The following ANXA7 variants were observed in gnomAD, a reference collection of about 807,000 sequenced individuals.
ANXA7 encodes the protein annexin VII.
ANXA7 carries 55 observed loss-of-function variants against 64.9 expected under a neutral mutation model. The observed-to-expected ratio is 0.85, with a 90% CI of 0.68 to 1.06. ANXA7 has a LOEUF of 1.06. Ranked by LOEUF, ANXA7 falls within the 50% of genes least tolerant of loss-of-function variation. ANXA7 has a pLI of 0.00. For synonymous variants in ANXA7, 200 were observed against 192.4 expected (o/e 1.04, Z -0.33); for missense variants, 548 against 582.1 (o/e 0.94, Z 0.60).
chr10:73,396,491 G>C (rs1285583384), intron 5 of ANXA7, 28 bp downstream of exon 5: 1 of 1,555,950 alleles, frequency 6.4e-7, no homozygotes, highest in East Asian at 2.2e-5. Context: ...GCTACCTAGA[G>C]TGAGCTTAAA....
intron 2 of ANXA7, among the ~76,000 whole-genome samples, chr10:73,399,953 C>T (rs1352932146): frequency 6.6e-6 from 1 of 152,014 alleles, no homozygotes; most frequent in Non-Finnish European, 1.5e-5. Flanking sequence ...ACAAGCCTGG[C>T]CAACATGGTG....
In ANXA7 at chr10:73,378,968, C is replaced by A; in HGVS notation, c.1221G>T (p.Met407Ile). The A allele has an allele frequency of 6.2e-7, 1 of 1,613,824 alleles. No homozygotes were observed. The highest frequency in any genetic ancestry group is 8.5e-7 in the Non-Finnish European group (1 of 1,179,862). The change falls in exon 12 of 13, where the codon ATG becomes ATT. Residue 407 changes from methionine (M) to isoleucine (I), a missense_variant. Met to Ile is a conservative substitution (Grantham distance 10, BLOSUM62 1). Coordinates refer to ENST00000372921, the MANE Select transcript of ANXA7 (RefSeq NM_001156.5). Reference protein sequence around the residue: ...AFFAERLYYAMKGAGTDDSTL... With the variant: ...AFFAERLYYAIKGAGTDDSTL... ...TGGAGTCATCTGTGCCAGCACCTTT[C>A]ATAGCATAGTAGAGCCTCTCAGCAA...
chr10:73,388,328 C>T lies in ANXA7; in HGVS notation c.522G>A (p.Lys174=), dbSNP rs1291253309. ...TTTCCTTACCAAAACCCTTCATTGC[C>T]TTACGAAGAATTTCTGCATCTCTTA... ...DAIRDAEILR[K]AMKGFGTDEQ... is the part of the protein sequence containing the mutation. Residue 174 remains lysine (K), a synonymous_variant, in exon 6 of 13, where the codon AAG becomes AAA. Coordinates refer to ENST00000372921, the MANE Select transcript of ANXA7 (RefSeq NM_001156.5). 2.5e-6 allele frequency: 4 copies of T among 1,613,616 alleles called. No homozygotes were observed. Among genetic ancestry groups the T allele is most frequent in the Non-Finnish European group, 2.5e-6 (3 of 1,179,686 alleles).
intron 11 of ANXA7, 33 bp downstream of exon 11, chr10:73,379,846 A>C: frequency 6.3e-7 from 1 of 1,595,488 alleles, no homozygotes; most frequent in South Asian, 1.1e-5. Context: ...CTCATTTAAA[A>C]AGAAAATAAA....
At chr10:73,388,153 C>T (rs2132665626) in intron 6 of ANXA7, among the ~76,000 whole-genome samples, 159 bp downstream of exon 6, 1 of 152,208 alleles carries the variant, frequency 6.6e-6, no homozygotes, top group South Asian at 2.1e-4. Flanking sequence ...AGCCTGAGGT[C>T]ATCTCTTAGA....
At chr10:73,379,148 G>A (rs2132650538) in intron 11 of ANXA7, 125 bp from the exon 12 acceptor site, 2 of 638,836 alleles carry the variant, frequency 3.1e-6, no homozygotes, top group South Asian at 4.3e-5. Flanking sequence ...GAAACATGGG[G>A]TGAGTTAAGA....
At chr10:73,396,628 C>G in intron 4 of ANXA7, 45 bp from the exon 5 acceptor site, 2 of 1,315,258 alleles carry the variant, frequency 1.5e-6, no homozygotes, top group Non-Finnish European at 2.1e-6. Context: ...ACAGGTCTTA[C>G]ATGTTTTAAT....
At chr10:73,378,192 T>C (rs976055273) in intron 12 of ANXA7, among the ~76,000 whole-genome samples, 4 of 151,670 alleles carry the variant, frequency 2.6e-5, no homozygotes, top group African/African-American at 9.7e-5. Flanking sequence ...CTGGCCAACA[T>C]GGTGAAACCC....
chr10:73,398,245 A>G lies in ANXA7; in HGVS notation c.195T>C (p.Gly65=). The change falls in exon 3 of 13, where the codon GGT becomes GGC. Residue 65 remains glycine (G), a synonymous_variant. Coordinates refer to ENST00000372921, the MANE Select transcript of ANXA7 (RefSeq NM_001156.5). ...PGAGGYPAPG[G]YPAPGGYPGA... is the part of the protein sequence containing the mutation. ...CAGGATAGCCTCCAGGGGCTGGATA[A>G]CCTCCAGGCGCAGGGTAGCCTCCAG... The G allele has an allele frequency of 6.2e-7, 1 of 1,613,928 alleles. No individual in the cohort carries two copies. Among genetic ancestry groups the G allele is most frequent in the Non-Finnish European group, 8.5e-7 (1 of 1,179,964 alleles).
At position 73,388,332 on chromosome 10, in the gene ANXA7, C is replaced by T. The variant is rs139809461; in HGVS notation, c.518G>A (p.Arg173His). ...FDAIRDAEIL[R>H]KAMKGFGTDE... ...CTTACCAAAACCCTTCATTGCCTTA[C>T]GAAGAATTTCTGCATCTCTTATAGC... Residue 173 changes from arginine (R) to histidine (H), a missense_variant, in exon 6 of 13, where the codon CGT (arginine) becomes CAT (histidine). By Grantham distance (29) the Arg-to-His change is conservative (BLOSUM62 0). Transcript: ENST00000372921. The T allele has an allele frequency of 2.8e-5, 45 of 1,613,644 alleles. No homozygotes were observed. The highest frequency in any genetic ancestry group is 8.0e-5 in the African/African-American group (6 of 74,934).
At chr10:73,385,894 T>C (rs1289508630) in intron 7 of ANXA7, among the ~76,000 whole-genome samples, 5 of 152,082 alleles carry the variant, frequency 3.3e-5, no homozygotes, top group Non-Finnish European at 7.4e-5. Context: ...CAGAGAACAT[T>C]AGGATATTTT....
chr10:73,388,554 A>G, intron 5 of ANXA7, 140 bp from the exon 6 acceptor site: 1 of 622,700 alleles, frequency 1.6e-6, no homozygotes, highest in Non-Finnish European at 2.8e-6. Flanking sequence ...GCATTTTATT[A>G]CCAGAGCTCA....
chr10:73,386,408 T>C (rs2055370591), intron 7 of ANXA7, among the ~76,000 whole-genome samples: 1 of 152,118 alleles, frequency 6.6e-6, no homozygotes, highest in Non-Finnish European at 1.5e-5. Flanking sequence ...TGGTTTGTCC[T>C]ATGGGAGCTC....
Position 73,412,897 on chromosome 10 carries a change from T to C in ANXA7, c.-2+1115A>G, listed in dbSNP as rs558042585. On this transcript the variant is annotated intron_variant, in intron 1 of 12. Coordinates refer to ENST00000372921, the MANE Select transcript of ANXA7 (RefSeq NM_001156.5). ...AACCACCTCCACCCAGTGAGTCAGT[T>C]AGTAAAAGGGCTGGGTCTCACCGTT... 9.9e-5 allele frequency among the ~76,000 whole-genome samples: 15 copies of C among 151,774 alleles called. No homozygotes were observed. The East Asian group carries it at 1.4e-3, about 14-fold the overall frequency.
rs1554815379 is a variant in ANXA7 at position 73,377,773 on chromosome 10, G to GGGGGGTGTGTGTGTGT, written c.1278+1137_1278+1138insACACACACACACCCCC. Among the ~76,000 whole-genome samples the GGGGGGTGTGTGTGTGT allele has an allele frequency of 2.1e-3, 267 of 124,830 alleles. 2 individuals are homozygous for GGGGGGTGTGTGTGTGT. The highest frequency in any genetic ancestry group is 4.1e-3 in the African/African-American group (129 of 31,112). 81.9% of individuals were successfully genotyped at this position (124,830 alleles called of 152,430 possible). On this transcript the variant is annotated intron_variant, in intron 12 of 12. Transcript: ENST00000372921. ...ACTACCATGCCGGGGGGTGGGTGTG[G>GGGGGGTGTGTGTGTGT]GTGTGTGTGTGTGTGTGTGTGTGTG...
chr10:73,387,860 T>G (rs1321987724), intron 6 of ANXA7, 77 bp from the exon 7 acceptor site: 28 of 1,248,744 alleles, frequency 2.2e-5, no homozygotes, highest in Non-Finnish European at 3.2e-5. Context: ...TTTTTTTTTT[T>G]TTTTTTTTGA....
intron 7 of ANXA7, among the ~76,000 whole-genome samples, chr10:73,385,832 G>T (rs1420869241): frequency 2.6e-5 from 4 of 152,078 alleles, no homozygotes; most frequent in African/African-American, 9.7e-5. Flanking sequence ...AATAAGCAAG[G>T]TGGGACCAAT....
At chr10:73,412,242 A>G (rs753447043) in intron 1 of ANXA7, among the ~76,000 whole-genome samples, 76 of 150,696 alleles carry the variant, frequency 5.0e-4, no homozygotes, top group Non-Finnish European at 7.9e-4. Context: ...TCACCGTGTT[A>G]GTCAGGATGG....
chr10:73,385,411 T>C (rs2055351529), intron 7 of ANXA7, among the ~76,000 whole-genome samples: 1 of 151,956 alleles, frequency 6.6e-6, no homozygotes, highest in Admixed American at 6.6e-5. Flanking sequence ...ACAATGGAAA[T>C]GAGAAGGAAC....
Sources: allele counts gnomAD v4.1 joint callset (sites outside exome capture counted in the v4.1 genomes callset), GRCh38; gene constraint gnomAD v4.1.1; transcripts MANE v1.5; gene names NCBI Gene and HGNC (gene_info 2026-07-23, HGNC 2026-07-21).